The following CCDC171 variants were observed in gnomAD, a reference collection of about 807,000 sequenced individuals.
The protein encoded by CCDC171 is coiled-coil domain-containing protein 171.
A neutral mutation model predicts 168.2 loss-of-function variants in CCDC171; 177 were observed. That is an observed-to-expected ratio of 1.05 (90% CI 0.93 to 1.19). The LOEUF (loss-of-function observed/expected upper bound fraction) is 1.19, where lower values mean the gene tolerates loss of function less well. CCDC171 is among the 50% of genes most tolerant of loss of function. The probability of loss-of-function intolerance (pLI) is 0.00; values close to 1 mark genes in which losing one functional copy is unlikely to be tolerated. For missense variants in CCDC171, 1,991 were observed against 1,539.0 expected, an observed-to-expected ratio of 1.29 and a Z score of -4.91; for synonymous variants, 687 against 540.8, an observed-to-expected ratio of 1.27 and a Z score of -3.75.
chr9:15,890,403 A>G (rs897873673), intron 24 of CCDC171, among the ~76,000 whole-genome samples: 4 of 152,140 alleles, frequency 2.6e-5, no homozygotes, highest in Non-Finnish European at 5.9e-5. Flanking sequence ...ATAAAATGCT[A>G]TTGTCAGGAA....
chr9:15,691,568 ATATG>A (rs2050797151), intron 10 of CCDC171, among the ~76,000 whole-genome samples: 4 of 145,568 alleles, frequency 2.7e-5, no homozygotes, highest in Admixed American at 1.4e-4. Context: ...ATATATATAT[ATATG>A]TACACATAAA....
intron 3 of CCDC171, among the ~76,000 whole-genome samples, chr9:16,008,757 A>G (rs1832778350): frequency 6.6e-6 from 1 of 152,166 alleles, no homozygotes; most frequent in Non-Finnish European, 1.5e-5. Context: ...CCATTTATTG[A>G]AGGCATGAGG....
chr9:15,810,458 G>C (rs1042090805), intron 21 of CCDC171, among the ~76,000 whole-genome samples: 8 of 150,286 alleles, frequency 5.3e-5, no homozygotes, highest in Non-Finnish European at 1.0e-4. Context: ...GGTGGCGCCT[G>C]TCGGGGAGGC....
At chr9:15,572,348 C>T (rs2040298942) in intron 3 of CCDC171, among the ~76,000 whole-genome samples, 1 of 151,854 alleles carries the variant, frequency 6.6e-6, no homozygotes, top group South Asian at 2.1e-4. Context: ...CTTATTTATT[C>T]TTAAAACTCA....
chr9:15,894,747 C>T (rs535498073), intron 24 of CCDC171, among the ~76,000 whole-genome samples: 1 of 152,234 alleles, frequency 6.6e-6, no homozygotes, highest in Admixed American at 6.6e-5. Context: ...TCCTTCACTT[C>T]ATTTATGTCT....
At position 15,678,871 on chromosome 9, in the gene CCDC171, G is replaced by C. The variant is rs752729635; in HGVS notation, c.1190G>C (p.Ser397Thr). The C allele has an allele frequency of 1.9e-6, 3 of 1,587,474 alleles. No homozygotes were observed. The highest frequency in any genetic ancestry group is 1.4e-5 in the African/African-American group (1 of 73,136). Reference protein sequence around the residue: ...KRLQYNEKSCSELQEELVMAK... With the variant: ...KRLQYNEKSCTELQEELVMAK... ...CTCCAGTATAATGAAAAAAGTTGCA[G>C]TGAATTACAGGAAGAACTAGTAATG... Residue 397 changes from serine to threonine, a missense_variant, in exon 10 of 26, where the codon AGT (serine) becomes ACT (threonine). Physicochemically the swap from Ser to Thr is moderately conservative, Grantham distance 58 (BLOSUM62 1). Transcript: ENST00000380701.
chr9:16,038,542 A>T (rs1325494187), upstream of CCDC171, among the ~76,000 whole-genome samples: 3 of 152,142 alleles, frequency 2.0e-5, no homozygotes, highest in African/African-American at 7.2e-5. Context: ...AAACATCTGT[A>T]TGTATATACA....
chr9:15,921,598 C>G (rs1038927034), intron 25 of CCDC171, among the ~76,000 whole-genome samples: 1 of 151,520 alleles, frequency 6.6e-6, no homozygotes, highest in Non-Finnish European at 1.5e-5. Context: ...ATAGTAGGTG[C>G]TCAATAAATA....
intron 1 of CCDC171, 43 bp from the exon 2 acceptor site, chr9:15,563,935 A>G (rs1315242111): frequency 2.3e-5 from 14 of 611,090 alleles, no homozygotes; most frequent in Admixed American, 3.4e-5. Context: ...CTCCAATAGT[A>G]TCAGGACTCA....
intron 24 of CCDC171, among the ~76,000 whole-genome samples, chr9:15,902,278 A>ACG (rs1821802076): frequency 6.7e-6 from 1 of 150,214 alleles, no homozygotes; most frequent in East Asian, 1.9e-4. Context: ...ATATATATAT[A>ACG]TATACACACA....
At chr9:15,678,733 C>T (rs2049821499) in intron 9 of CCDC171, 25 bp from the exon 10 acceptor site, 3 of 1,564,346 alleles carry the variant, frequency 1.9e-6, no homozygotes, top group Non-Finnish European at 2.6e-6. Flanking sequence ...TTTGAAAAAC[C>T]TGCTCTGACA....
At chr9:15,639,929 A>G (rs1024994631) in intron 7 of CCDC171, among the ~76,000 whole-genome samples, 5 of 152,286 alleles carry the variant, frequency 3.3e-5, no homozygotes, top group African/African-American at 4.8e-5. Flanking sequence ...TTTGTCTACA[A>G]CACAGGTCTT....
chr9:15,723,816 G>A (rs2053639314), intron 13 of CCDC171, 70 bp downstream of exon 13: 3 of 723,684 alleles, frequency 4.1e-6, no homozygotes, highest in African/African-American at 3.8e-5. Flanking sequence ...ATATTTTAAA[G>A]TAGAGATATT....
chr9:15,953,702 G>C (rs1352313793), intron 25 of CCDC171, among the ~76,000 whole-genome samples: 1 of 152,078 alleles, frequency 6.6e-6, no homozygotes, highest in Non-Finnish European at 1.5e-5. Flanking sequence ...AAATTTATTT[G>C]GAAGTGTTCC....
At chr9:15,560,031 C>A (rs909704834) in intron 1 of CCDC171, among the ~76,000 whole-genome samples, 5 of 152,108 alleles carry the variant, frequency 3.3e-5, no homozygotes, top group Non-Finnish European at 7.4e-5. Context: ...GTTGAAAATT[C>A]TTTTCTTTAA....
intron 1 of CCDC171, 146 bp from the exon 2 acceptor site, chr9:15,563,832 G>T: frequency 2.7e-6 from 1 of 369,962 alleles, no homozygotes; most frequent in Non-Finnish European, 4.8e-6. Flanking sequence ...TTTTCTTTTG[G>T]TGATCTTCTG....
intron 23 of CCDC171, 77 bp from the exon 24 acceptor site, chr9:15,874,455 G>A (rs1817576223): frequency 7.7e-7 from 1 of 1,292,384 alleles, no homozygotes; most frequent in Non-Finnish European, 1.0e-6. Flanking sequence ...CCACTCAGTG[G>A]GCTCAAGGGG....
At chr9:15,770,395 A>G (rs2056952086) in intron 18 of CCDC171, among the ~76,000 whole-genome samples, 1 of 152,212 alleles carries the variant, frequency 6.6e-6, no homozygotes, top group African/African-American at 2.4e-5. Context: ...CAGAAAAATT[A>G]GTTTCCTTTG....
intron 16 of CCDC171, among the ~76,000 whole-genome samples, chr9:15,738,575 T>C (rs2054639200): frequency 6.6e-6 from 1 of 152,176 alleles, no homozygotes; most frequent in South Asian, 2.1e-4. Flanking sequence ...CTTATGTTTG[T>C]TTTAAAAATA....
Sources: allele counts gnomAD v4.1 joint callset (sites outside exome capture counted in the v4.1 genomes callset), GRCh38; gene constraint gnomAD v4.1.1; transcripts MANE v1.5; gene names NCBI Gene and HGNC (gene_info 2026-07-23, HGNC 2026-07-21).